GAS7: variants seen among roughly 807,000 people sequenced by gnomAD.
GAS7 encodes the protein growth arrest specific 7.
A neutral mutation model predicts 71.1 loss-of-function variants in GAS7; 28 were observed. The observed-to-expected ratio is 0.39, with a 90% CI of 0.29 to 0.54. The LOEUF is 0.54. GAS7 is among the 20% of genes least tolerant of loss of function. The pLI is 0.62. For synonymous variants in GAS7, 258 were observed against 245.8 expected (o/e 1.05, Z -0.46); for missense variants, 436 against 627.8 (o/e 0.69, Z 3.27).
Position 9,926,796 on chromosome 17 carries a change from C to T in GAS7, c.886-27G>A. 18 of 1,613,722 alleles carry T rather than the reference C, an allele frequency of 1.1e-5. No individual in the cohort carries two copies. Among genetic ancestry groups the T allele is most frequent in the South Asian group, 5.5e-5 (5 of 91,074 alleles). On this transcript the variant is annotated intron_variant, in intron 9 of 13. Transcript: ENST00000432992. This position sits in a 1 kb window ranked among gnomAD's most constrained non-coding sequence, Gnocchi z 5.0. ...TGTTGGGAGAGTAGAGACGCACACT[C>T]AGGACCCAGGGCATCAGCTGTAAGC...
At chr17:10,135,758 G>T (rs189563901) in intron 1 of GAS7, among the ~76,000 whole-genome samples, 90 of 152,236 alleles carry the variant, frequency 5.9e-4, no homozygotes, top group Admixed American at 2.2e-3. Flanking sequence ...CCTCCGAACT[G>T]GGGGGAGGGG....
At chr17:9,987,672 G>C (rs996202335) in intron 2 of GAS7, among the ~76,000 whole-genome samples, 1 of 152,258 alleles carries the variant, frequency 6.6e-6, no homozygotes, top group Admixed American at 6.5e-5. Context: ...TGAGAGACCA[G>C]TTGAAAGCTT....
intron 3 of GAS7, among the ~76,000 whole-genome samples, chr17:9,980,856 T>C (rs971704003): frequency 3.9e-5 from 6 of 152,136 alleles, no homozygotes; most frequent in African/African-American, 1.4e-4. Flanking sequence ...GGAAGGCTTC[T>C]TGGAGGAGGT....
intron 4 of GAS7, among the ~76,000 whole-genome samples, chr17:9,966,632 C>T (rs1183312715): frequency 6.6e-6 from 1 of 152,130 alleles, no homozygotes; most frequent in Non-Finnish European, 1.5e-5. Context: ...ACCTTCTTAA[C>T]CTATTTGTAT....
chr17:10,132,398 T>A (rs901804747), intron 1 of GAS7, among the ~76,000 whole-genome samples: 1 of 152,178 alleles, frequency 6.6e-6, no homozygotes, highest in African/African-American at 2.4e-5. Flanking sequence ...ATCATCTCAG[T>A]CTTTGTCTAC....
chr17:10,060,502 T>C (rs953814039), intron 1 of GAS7, among the ~76,000 whole-genome samples: 4 of 152,078 alleles, frequency 2.6e-5, no homozygotes, highest in Non-Finnish European at 5.9e-5. Context: ...GGAATAACCC[T>C]GTCACTTTCA....
intron 1 of GAS7, among the ~76,000 whole-genome samples, chr17:10,141,974 A>T (rs1401275094): frequency 3.8e-5 from 3 of 78,438 alleles, no homozygotes; most frequent in Non-Finnish European, 7.4e-5. Flanking sequence ...CACGCCTGTA[A>T]TCCCAGCACT....
chr17:9,936,068 T>C (rs973069082), intron 8 of GAS7, among the ~76,000 whole-genome samples: 1 of 152,172 alleles, frequency 6.6e-6, no homozygotes, highest in Non-Finnish European at 1.5e-5. Context: ...TTTTAACAAA[T>C]GGTGCAGAGA....
intron 2 of GAS7, among the ~76,000 whole-genome samples, chr17:9,992,213 C>G (rs1270884417): frequency 6.6e-6 from 1 of 152,164 alleles, no homozygotes; most frequent in East Asian, 1.9e-4. Flanking sequence ...GACTTAGGAT[C>G]AGGCAAGGTA....
intron 1 of GAS7, among the ~76,000 whole-genome samples, chr17:10,083,050 C>T (rs899072918): frequency 1.3e-5 from 2 of 152,198 alleles, no homozygotes; most frequent in African/African-American, 2.4e-5. Flanking sequence ...ATGTCTTACA[C>T]ACTGACTAAT....
At chr17:10,020,476 A>G (rs762145756) in intron 1 of GAS7, among the ~76,000 whole-genome samples, 2 of 152,256 alleles carry the variant, frequency 1.3e-5, no homozygotes, top group Non-Finnish European at 2.9e-5. Context: ...GACAGAGCAG[A>G]CGCTGACTTC....
chr17:10,010,997 T>C (rs903207989), intron 2 of GAS7, among the ~76,000 whole-genome samples: 4 of 152,214 alleles, frequency 2.6e-5, no homozygotes, highest in African/African-American at 9.6e-5. Context: ...ATTTGGCCCA[T>C]AGGCCACAGT....
Position 10,115,210 on chromosome 17 carries a change from C to T in GAS7, c.183+82998G>A, listed in dbSNP as rs2073849490. On this transcript the variant is annotated intron_variant, in intron 1 of 13. Transcript: ENST00000432992. The stretch of plus-strand genomic sequence containing the variant: ...TGGGATGGAGGAAAACAGCTCTTCT[C>T]TGAGCGAGAGCCTGGGCTGTTGCAC... 2.6e-5 allele frequency among the ~76,000 whole-genome samples: 4 copies of T among 152,254 alleles called. No homozygotes were observed. The South Asian group carries it at 8.3e-4, about 31-fold the overall frequency.
intron 9 of GAS7, among the ~76,000 whole-genome samples, chr17:9,929,465 A>C (rs2068130532): frequency 6.6e-6 from 1 of 152,078 alleles, no homozygotes; most frequent in African/African-American, 2.4e-5. Flanking sequence ...ACAGACATCA[A>C]GTATTTTATT....
chr17:10,182,205 G>A (rs1290992726), intron 1 of GAS7, among the ~76,000 whole-genome samples: 4 of 152,142 alleles, frequency 2.6e-5, no homozygotes, highest in Admixed American at 2.0e-4. Context: ...TGTCACCCAG[G>A]CTGGAGTGCA....
At chr17:10,065,194 C>T (rs1425696777) in intron 1 of GAS7, among the ~76,000 whole-genome samples, 2 of 152,142 alleles carry the variant, frequency 1.3e-5, no homozygotes, top group Non-Finnish European at 2.9e-5. Context: ...TAGCAACAAT[C>T]AAAACTAAAG....
intron 7 of GAS7, 150 bp from the exon 8 acceptor site, chr17:9,940,350 A>C (rs542786918): frequency 1.9e-4 from 129 of 689,590 alleles, no homozygotes; most frequent in South Asian, 1.8e-3. Flanking sequence ...CCTGACATGC[A>C]GTAGGTGCTT....
intron 2 of GAS7, among the ~76,000 whole-genome samples, chr17:10,019,059 T>C (rs1363514108): frequency 1.1e-4 from 17 of 152,168 alleles, no homozygotes; most frequent in Non-Finnish European, 2.9e-5. Flanking sequence ...CTCACCTTGT[T>C]ACAGAACCTG....
intron 1 of GAS7, among the ~76,000 whole-genome samples, chr17:10,165,423 T>C (rs1322272085): frequency 1.3e-5 from 2 of 152,200 alleles, no homozygotes; most frequent in Non-Finnish European, 2.9e-5. Context: ...TGGGAGCTTT[T>C]GTTTCAACTT....
Sources: allele counts gnomAD v4.1 joint callset (sites outside exome capture counted in the v4.1 genomes callset), GRCh38; gene constraint gnomAD v4.1.1; non-coding constraint Gnocchi (gnomAD v3.1); transcripts MANE v1.5; gene names NCBI Gene and HGNC (gene_info 2026-07-23, HGNC 2026-07-21).